Variants in CSMD2 observed in about 807,000 individuals in gnomAD.
The protein encoded by CSMD2 is CUB and Sushi multiple domains 2, also known as CUB and sushi domain-containing protein 2.
Under a neutral mutation model 398.5 loss-of-function variants are expected in CSMD2, and 130 were observed. That is an observed-to-expected ratio of 0.33 (90% CI 0.28 to 0.38). The LOEUF (loss-of-function observed/expected upper bound fraction) is 0.38, where lower values mean the gene tolerates loss of function less well. CSMD2 is among the 10% of genes least tolerant of loss of function. The probability of loss-of-function intolerance (pLI) is 1.00; values close to 1 mark genes in which losing one functional copy is unlikely to be tolerated. For missense variants in CSMD2, 3,829 were observed against 4,764.9 expected (o/e 0.80, Z 5.78); for synonymous variants, 1,828 against 1,908.5 (o/e 0.96, Z 1.10).
intron 3 of CSMD2, among the ~76,000 whole-genome samples, chr1:33,978,806 A>G (rs1646060757): frequency 6.6e-6 from 1 of 152,172 alleles, no homozygotes; most frequent in African/African-American, 2.4e-5. Flanking sequence ...CAGGAATGAG[A>G]GCTAACATTT....
intron 41 of CSMD2, chr1:33,605,719 C>G (rs1640549025): frequency 2.6e-6 from 2 of 771,782 alleles, no homozygotes; most frequent in Non-Finnish European, 4.2e-6. Context: ...ATGGTGAAAG[C>G]TCAGTAAATA....
intron 6 of CSMD2, among the ~76,000 whole-genome samples, chr1:33,830,380 T>C (rs1431939384): frequency 1.3e-5 from 2 of 152,214 alleles, no homozygotes; most frequent in Non-Finnish European, 2.9e-5. Flanking sequence ...CAGACACCGC[T>C]GCTGATACCC....
Position 33,997,174 on chromosome 1 carries a change from C to T in CSMD2, c.517+35420G>A, listed in dbSNP as rs189241799. On this transcript the variant is annotated intron_variant, in intron 3 of 70. Transcript: ENST00000373381. ...AACGAGAGTCGGTTTCCCTGCTCATCGATGCCTTGGAAGCTGCCTGGGCAG... is the reference window on the plus strand; with the variant it reads ...AACGAGAGTCGGTTTCCCTGCTCATTGATGCCTTGGAAGCTGCCTGGGCAG... 1.4e-3 allele frequency among the ~76,000 whole-genome samples: 214 copies of T among 152,286 alleles called. 1 individual carries two copies. The highest frequency in any genetic ancestry group is 4.9e-3 in the African/African-American group (205 of 41,546).
rs1652375346 is a variant in CSMD2 at position 33,779,154 on chromosome 1, T to C, written c.1664-6403A>G. 2.0e-5 allele frequency among the ~76,000 whole-genome samples: 3 copies of C among 152,116 alleles called. No homozygotes were observed. The South Asian group carries it at 6.2e-4, about 31-fold the overall frequency. On this transcript the variant is annotated intron_variant, in intron 12 of 70. Coordinates refer to ENST00000373381, the MANE Select transcript of CSMD2 (RefSeq NM_001281956.2). The stretch of plus-strand genomic sequence containing the variant: ...TTACAGCTTCCTGAAATCCACAGAC[T>C]AAAATCCTAACTCCTCAGCATGGCA...
chr1:33,572,405 TTC>T (rs1491399903), intron 50 of CSMD2, 99 bp downstream of exon 50: 24 of 1,021,676 alleles, frequency 2.3e-5, no homozygotes, highest in Non-Finnish European at 2.8e-5. Flanking sequence ...TTTTTTTTTT[TTC>T]CCCCTCATTA....
intron 28 of CSMD2, among the ~76,000 whole-genome samples, chr1:33,648,478 G>A (rs759632423): frequency 1.6e-4 from 24 of 152,140 alleles, no homozygotes; most frequent in African/African-American, 4.8e-4. Context: ...AGTACAATCC[G>A]GAAGACAAAG....
chr1:33,532,610 A>G (rs1655349687), intron 64 of CSMD2, among the ~76,000 whole-genome samples: 1 of 152,188 alleles, frequency 6.6e-6, no homozygotes, highest in Admixed American at 6.5e-5. Context: ...TGAATCCCTC[A>G]TGCCTAGCGC....
At chr1:33,776,593 T>C (rs1652005491) in intron 12 of CSMD2, among the ~76,000 whole-genome samples, 1 of 152,034 alleles carries the variant, frequency 6.6e-6, no homozygotes, top group African/African-American at 2.4e-5. Flanking sequence ...TTTGTAGGGA[T>C]ACCATCCAGC....
Position 33,911,186 on chromosome 1 carries a change from G to A in CSMD2, c.920+6908C>T, listed in dbSNP as rs1319724199. 2.0e-5 allele frequency among the ~76,000 whole-genome samples: 3 copies of A among 152,240 alleles called. No homozygotes were observed. The East Asian group carries it at 5.8e-4, about 29-fold the overall frequency. ...ACCTAGGAGAGCCTCGTTCATAGAA[G>A]AGTCTCAATAAATGATTACAGAAAA... On this transcript the variant is annotated intron_variant, in intron 5 of 70. Transcript: ENST00000373381.
chr1:33,953,130 C>T (rs1645060143), intron 3 of CSMD2, among the ~76,000 whole-genome samples: 1 of 152,308 alleles, frequency 6.6e-6, no homozygotes, highest in South Asian at 2.1e-4. Context: ...AGGCCATGGC[C>T]AGGCTTAGCC....
At chr1:34,079,987 T>C (rs935661444) in intron 2 of CSMD2, among the ~76,000 whole-genome samples, 1 of 151,988 alleles carries the variant, frequency 6.6e-6, no homozygotes, top group African/African-American at 2.4e-5. Flanking sequence ...ATTTAACTAC[T>C]GTGTATATTG....
At chr1:34,097,617 C>T (rs1659482220) in intron 1 of CSMD2, among the ~76,000 whole-genome samples, 1 of 115,396 alleles carries the variant, frequency 8.7e-6, no homozygotes, top group African/African-American at 3.4e-5. Context: ...TGAACAGACA[C>T]TTCTCAAAAG....
intron 38 of CSMD2, 36 bp downstream of exon 38, chr1:33,617,463 C>T (rs1292193691): frequency 3.3e-6 from 5 of 1,510,906 alleles, no homozygotes; most frequent in Admixed American, 1.7e-5. Context: ...TCTCAGGGGA[C>T]ACCTGTTTCC....
chr1:33,716,973 C>T (rs554099806), intron 19 of CSMD2, among the ~76,000 whole-genome samples: 32 of 152,032 alleles, frequency 2.1e-4, no homozygotes, highest in African/African-American at 7.5e-4. Context: ...CCATGGGGGC[C>T]GGAACAGAAA....
At chr1:33,694,913 A>G (rs1645367142) in intron 24 of CSMD2, among the ~76,000 whole-genome samples, 1 of 152,234 alleles carries the variant, frequency 6.6e-6, no homozygotes, top group South Asian at 2.1e-4. Context: ...GCAGAGATCA[A>G]CAGGATACTG....
intron 12 of CSMD2, among the ~76,000 whole-genome samples, chr1:33,785,955 A>C (rs946963882): frequency 2.6e-5 from 4 of 152,204 alleles, no homozygotes; most frequent in Non-Finnish European, 4.4e-5. Context: ...CATTTCTTAC[A>C]GGAATTGCCT....
intron 5 of CSMD2, among the ~76,000 whole-genome samples, chr1:33,876,314 G>T (rs1054626085): frequency 6.6e-6 from 1 of 152,196 alleles, no homozygotes; most frequent in African/African-American, 2.4e-5. Context: ...TGTAGTCAGA[G>T]ATCTCTACCT....
chr1:33,698,958 A>T lies in CSMD2; in HGVS notation c.3734-14T>A. 1 of 1,610,374 alleles carries T rather than the reference A, an allele frequency of 6.2e-7. No individual in the cohort carries two copies. The highest frequency in any genetic ancestry group is 8.5e-7 in the Non-Finnish European group (1 of 1,177,794). ...TGAGTTCAAAGCCTGGTGAGGAGAG[A>T]AGAGGTAGAGTGAGTAAGACCTATT... On this transcript the variant is annotated splice_polypyrimidine_tract_variant and intron_variant, in intron 23 of 70. Transcript: ENST00000373381.
chr1:33,711,348 T>C (rs1379260516), intron 21 of CSMD2, among the ~76,000 whole-genome samples: 1 of 152,258 alleles, frequency 6.6e-6, no homozygotes, highest in Non-Finnish European at 1.5e-5. Flanking sequence ...GGGATGATCA[T>C]GGACTTTGGA....
Sources: gnomAD v4.1 joint callset for allele counts (sites outside exome capture counted in the v4.1 genomes callset) on GRCh38, gnomAD v4.1.1 for gene constraint, MANE v1.5 for transcripts, NCBI Gene and HGNC (gene_info 2026-07-23, HGNC 2026-07-21) for gene names.